PIWIL4: variants seen among roughly 807,000 people sequenced by gnomAD.
The protein encoded by PIWIL4 is piwi-like protein 4.
Under a neutral mutation model 100.9 loss-of-function variants are expected in PIWIL4, and 50 were observed. The ratio of observed to expected loss-of-function variants is 0.50; its 90% CI spans 0.39 to 0.63. The LOEUF is 0.63. PIWIL4 is among the 20% of genes least tolerant of loss of function. The pLI is 0.00. For synonymous variants in PIWIL4, 342 were observed against 367.5 expected (o/e 0.93, Z 0.79); for missense variants, 887 against 1,043.3 (o/e 0.85, Z 2.06).
rs1348025941 is a variant in PIWIL4 at position 94,583,541 on chromosome 11, A to C, written c.607A>C (p.Ile203Leu). ...RELPSSSPVC[I>L]QVFNIIFRKI... ...GCTGCCATCAAGTTCTCCCGTGTGC[A>C]TCCAGGTCTTCAATATCATCTTCAG... Residue 203 changes from isoleucine to leucine, a missense_variant, in exon 5 of 20, where the codon ATC (isoleucine) becomes CTC (leucine). Transcript: ENST00000299001. The C allele has an allele frequency of 6.2e-7, 1 of 1,614,136 alleles. No individual in the cohort carries two copies. The highest frequency in any genetic ancestry group is 1.7e-5 in the Admixed American group (1 of 60,028).
intron 3 of PIWIL4, 141 bp from the exon 4 acceptor site, chr11:94,577,137 A>G: frequency 1.5e-6 from 1 of 667,910 alleles, no homozygotes; most frequent in East Asian, 2.7e-5. Flanking sequence ...AAGTTTTAGG[A>G]TTTATCCTGT....
chr11:94,601,779 T>C lies in PIWIL4; in HGVS notation c.1381-16T>C, dbSNP rs1591796676. On this transcript the variant is annotated splice_polypyrimidine_tract_variant and intron_variant, in intron 11 of 19. Coordinates refer to ENST00000299001, the MANE Select transcript of PIWIL4 (RefSeq NM_152431.3). ...ATAAATTTGTTCAATCCTTTCATGA[T>C]CATTATTTTTCTCAGTGTCAACCTG... The C allele has an allele frequency of 6.2e-7, 1 of 1,611,278 alleles. No homozygotes were observed. Among genetic ancestry groups the C allele is most frequent in the South Asian group, 1.1e-5 (1 of 90,602 alleles).
chr11:94,595,177 G>T, intron 9 of PIWIL4, 132 bp from the exon 10 acceptor site: 3 of 638,696 alleles, frequency 4.7e-6, no homozygotes, highest in Non-Finnish European at 8.0e-6. Flanking sequence ...AATGACATAC[G>T]TGGTTTTCAT....
chr11:94,587,493 A>AC (rs1486435792), intron 7 of PIWIL4, among the ~76,000 whole-genome samples: 1 of 151,730 alleles, frequency 6.6e-6, no homozygotes, highest in Non-Finnish European at 1.5e-5. Flanking sequence ...CTCTATTCTA[A>AC]CCCCCAGCGG....
chr11:94,619,413 TGA>T (rs895498829), intron 17 of PIWIL4, among the ~76,000 whole-genome samples: 3 of 151,996 alleles, frequency 2.0e-5, no homozygotes, highest in Admixed American at 1.3e-4. Context: ...GAAAATAGGT[TGA>T]GTCACTAATC....
intron 10 of PIWIL4, among the ~76,000 whole-genome samples, chr11:94,596,400 T>A (rs1244969734): frequency 6.6e-6 from 1 of 152,118 alleles, no homozygotes; most frequent in Non-Finnish European, 1.5e-5. Context: ...ACAATTGAAT[T>A]AATAATTAAT....
chr11:94,601,483 C>T (rs568684374), intron 11 of PIWIL4, among the ~76,000 whole-genome samples: 1 of 152,302 alleles, frequency 6.6e-6, no homozygotes, highest in East Asian at 1.9e-4. Flanking sequence ...CATAGATACT[C>T]AGAGCTGGAA....
At chr11:94,567,788 G>C in intron 1 of PIWIL4, 183 bp downstream of exon 1, 1 of 1,234,758 alleles carries the variant, frequency 8.1e-7, no homozygotes, top group Non-Finnish European at 1.0e-6. Context: ...GATCTTGTCT[G>C]AGTAAGATAT....
At chr11:94,600,454 G>T (rs866198057) in intron 11 of PIWIL4, among the ~76,000 whole-genome samples, 2 of 152,256 alleles carry the variant, frequency 1.3e-5, no homozygotes, top group Middle Eastern at 3.4e-3. Flanking sequence ...TTTTATTAGG[G>T]ATTTTCAAAA....
intron 1 of PIWIL4, 148 bp from the exon 2 acceptor site, chr11:94,568,582 C>A: frequency 8.8e-6 from 5 of 565,942 alleles, no homozygotes; most frequent in South Asian, 2.4e-5. Flanking sequence ...AATGGGCACT[C>A]TCTTCTCATC....
At chr11:94,576,416 G>T (rs1341622590) in intron 3 of PIWIL4, among the ~76,000 whole-genome samples, 1 of 152,158 alleles carries the variant, frequency 6.6e-6, no homozygotes, top group African/African-American at 2.4e-5. Flanking sequence ...TTACAGGTGT[G>T]AGCCACCGTG....
chr11:94,573,078 G>C (rs1369052950), intron 2 of PIWIL4, among the ~76,000 whole-genome samples: 1 of 152,098 alleles, frequency 6.6e-6, no homozygotes, highest in African/African-American at 2.4e-5. Flanking sequence ...CTCATGATTT[G>C]GCTCTCTGTT....
intron 15 of PIWIL4, among the ~76,000 whole-genome samples, chr11:94,614,315 T>C (rs913490968): frequency 6.7e-6 from 1 of 150,074 alleles, no homozygotes; most frequent in Non-Finnish European, 1.5e-5. Flanking sequence ...TTTTTTTTTT[T>C]TTCCTTTTTG....
intron 7 of PIWIL4, 147 bp downstream of exon 7, chr11:94,587,394 T>C: frequency 1.1e-6 from 1 of 879,090 alleles, no homozygotes; most frequent in Non-Finnish European, 1.7e-6. Flanking sequence ...TTTTGCTGTC[T>C]GGAGTTCACA....
chr11:94,579,826 A>C (rs1948289064), intron 4 of PIWIL4, among the ~76,000 whole-genome samples: 1 of 152,272 alleles, frequency 6.6e-6, no homozygotes, highest in Non-Finnish European at 1.5e-5. Flanking sequence ...ATAGCACGCT[A>C]ATATGGCTTC....
chr11:94,613,901 T>A (rs1424771396), intron 15 of PIWIL4, among the ~76,000 whole-genome samples: 1 of 152,030 alleles, frequency 6.6e-6, no homozygotes, highest in Non-Finnish European at 1.5e-5. Context: ...TAGCTGAGAT[T>A]ATAGGCACCT....
In PIWIL4 at chr11:94,594,189, C is replaced by T. The variant is rs12285823; in HGVS notation, c.1150+548C>T. 7.1e-3 allele frequency among the ~76,000 whole-genome samples: 1,073 copies of T among 152,058 alleles called. 10 individuals are homozygous for T. Among genetic ancestry groups the T allele is most frequent in the African/African-American group, 0.024 (991 of 41,466 alleles). On this transcript the variant is annotated intron_variant, in intron 9 of 19. Coordinates refer to ENST00000299001, the MANE Select transcript of PIWIL4 (RefSeq NM_152431.3). ...CATTAGAAAAATTAATAAGAAGGGC[C>T]GGCGTGGTGGCTCACACCTGTCATC...
At chr11:94,595,981 G>T (rs1948553262) in intron 10 of PIWIL4, among the ~76,000 whole-genome samples, 1 of 152,058 alleles carries the variant, frequency 6.6e-6, no homozygotes, top group Non-Finnish European at 1.5e-5. Flanking sequence ...GCTTCTCCTT[G>T]GTTTTCCTTT....
chr11:94,604,194 C>G (rs545307343), intron 13 of PIWIL4, 138 bp downstream of exon 13: 17 of 473,160 alleles, frequency 3.6e-5, no homozygotes, highest in Non-Finnish European at 5.9e-5. Context: ...AAATATTAAT[C>G]TTAGTATTTT....
Sources: allele counts gnomAD v4.1 joint callset (sites outside exome capture counted in the v4.1 genomes callset), GRCh38; gene constraint gnomAD v4.1.1; transcripts MANE v1.5; gene names NCBI Gene and HGNC (gene_info 2026-07-23, HGNC 2026-07-21).